The following COL4A1 variants were observed in gnomAD, a reference collection of about 807,000 sequenced individuals.
The protein encoded by COL4A1 is collagen type IV alpha 1 chain, also known as collagen alpha-1(IV) chain.
COL4A1 carries 40 observed loss-of-function variants against 216.6 expected under a neutral mutation model. The observed-to-expected ratio is 0.18, with a 90% CI of 0.14 to 0.24. The LOEUF (loss-of-function observed/expected upper bound fraction) is 0.24, where lower values mean the gene tolerates loss of function less well. Ranked by LOEUF, COL4A1 falls within the 10% of genes least tolerant of loss-of-function variation. COL4A1 has a pLI of 1.00. For missense variants in COL4A1, 1,628 were observed against 2,196.8 expected, an observed-to-expected ratio of 0.74 and a Z score of 5.18; for synonymous variants, 839 against 810.7, an observed-to-expected ratio of 1.03 and a Z score of -0.59.
chr13:110,214,073 T>G, intron 2 of COL4A1, 58 bp from the exon 3 acceptor site: 1 of 1,406,928 alleles, frequency 7.1e-7, no homozygotes, highest in Non-Finnish European at 1.0e-6. Context: ...GAGGAAGGAA[T>G]TGGTGACCAA....
intron 1 of COL4A1, among the ~76,000 whole-genome samples, chr13:110,255,487 G>C: frequency 7.1e-6 from 1 of 141,804 alleles, no homozygotes; most frequent in Non-Finnish European, 1.5e-5. Flanking sequence ...GGGGAAGACA[G>C]GAGGTTTCCC....
chr13:110,213,538 C>T (rs911482135), intron 4 of COL4A1, among the ~76,000 whole-genome samples: 1 of 152,130 alleles, frequency 6.6e-6, no homozygotes, highest in Non-Finnish European at 1.5e-5. Context: ...TGGGGGAAAG[C>T]AAGTTTGCAG....
At chr13:110,265,608 G>A (rs1213643215) in intron 1 of COL4A1, 1 of 152,238 alleles carries the variant, frequency 6.6e-6, no homozygotes, top group Non-Finnish European at 1.5e-5. Context: ...ACAGGTGGCT[G>A]CAACCCCAAA....
intron 2 of COL4A1, among the ~76,000 whole-genome samples, chr13:110,240,583 G>T (rs765938597): frequency 1.3e-5 from 2 of 152,262 alleles, no homozygotes; most frequent in Admixed American, 6.5e-5. Flanking sequence ...GGCCAGAGGG[G>T]GCCACCCCCA....
intron 28 of COL4A1, among the ~76,000 whole-genome samples, chr13:110,182,205 T>C (rs1018494917): frequency 1.3e-5 from 2 of 151,928 alleles, no homozygotes; most frequent in African/African-American, 4.8e-5. Flanking sequence ...GAAGCAGCCG[T>C]GGTGTGGGTG....
At chr13:110,202,785 G>A (rs1293574624) in intron 18 of COL4A1, among the ~76,000 whole-genome samples, 2 of 152,186 alleles carry the variant, frequency 1.3e-5, no homozygotes, top group African/African-American at 4.8e-5. Context: ...TCACTGACAA[G>A]TATGCAAAAT....
At chr13:110,277,676 A>G (rs1257441374) in intron 1 of COL4A1, among the ~76,000 whole-genome samples, 1 of 152,154 alleles carries the variant, frequency 6.6e-6, no homozygotes, top group East Asian at 1.9e-4. Context: ...CTGTAAACAT[A>G]AATAAAATGG....
intron 1 of COL4A1, among the ~76,000 whole-genome samples, chr13:110,275,540 C>T (rs1035460694): frequency 6.6e-6 from 1 of 152,184 alleles, no homozygotes; most frequent in African/African-American, 2.4e-5. Context: ...AGCAATCATG[C>T]TCCTTGCTAT....
At chr13:110,185,168 C>T (rs2131938) in intron 26 of COL4A1, among the ~76,000 whole-genome samples, 53,971 of 151,850 alleles carry the variant, frequency 0.36, 9,617 homozygotes, top group East Asian at 0.45. Context: ...ATTTTTGAGA[C>T]GGAGTCTCAC....
intron 49 of COL4A1, among the ~76,000 whole-genome samples, chr13:110,159,245 C>T (rs909679207): frequency 2.8e-5 from 3 of 108,146 alleles, no homozygotes; most frequent in African/African-American, 1.1e-4. Context: ...TACAATATCA[C>T]CCAAGGGAGC....
intron 21 of COL4A1, 70 bp downstream of exon 21, chr13:110,198,397 C>T: frequency 6.3e-7 from 1 of 1,585,934 alleles, no homozygotes. Flanking sequence ...TCACAGCCCC[C>T]AACCTGGGTC....
At chr13:110,205,301 TG>T in intron 17 of COL4A1, 51 bp downstream of exon 17, 1 of 1,605,460 alleles carries the variant, frequency 6.2e-7, no homozygotes, top group South Asian at 1.1e-5. Flanking sequence ...AACAGACTTC[TG>T]GGTTGAATTG....
At chr13:110,228,376 G>T in intron 2 of COL4A1, among the ~76,000 whole-genome samples, 1 of 152,138 alleles carries the variant, frequency 6.6e-6, no homozygotes, top group East Asian at 1.9e-4. Flanking sequence ...TCCGTGCAAG[G>T]CAAGTTTTTA....
rs1415728676 is a variant in COL4A1, at chr13:110,201,399, G to A, written c.1084+39C>T. 2.9e-6 allele frequency: 4 copies of A among 1,396,698 alleles called. No individual in the cohort carries two copies. The Admixed American group carries it at 5.5e-5, about 19-fold the overall frequency. 86.5% of individuals were successfully genotyped at this position (1,396,698 alleles called of 1,614,324 possible). A position where few individuals can be genotyped will look rare whatever the true frequency, so the allele number is the denominator to read the frequency against. On this transcript the variant is annotated intron_variant, in intron 19 of 51. Coordinates refer to ENST00000375820, the MANE Select transcript of COL4A1 (RefSeq NM_001845.6). ...AGGAAGAGGAGGAGGAGAGAAGGAG[G>A]GGGAGTAGGAGGAGGGGGGAAAAAG... is the stretch of plus-strand genomic sequence containing the variant.
chr13:110,237,382 C>T (rs1170014327), intron 2 of COL4A1, among the ~76,000 whole-genome samples: 2 of 152,088 alleles, frequency 1.3e-5, no homozygotes, highest in East Asian at 3.9e-4. Context: ...TGAGTCTGCA[C>T]CCCCCACCCC....
chr13:110,176,080 G>C (rs1877871410), intron 36 of COL4A1, among the ~76,000 whole-genome samples: 2 of 152,246 alleles, frequency 1.3e-5, no homozygotes, highest in Admixed American at 1.3e-4. Flanking sequence ...GGGCTCTGGA[G>C]CCATAAGCTA....
At position 110,160,256 on chromosome 13, in the gene COL4A1, C is replaced by A. The variant is rs532781345; in HGVS notation, c.4640+936G>T. ...AGGAGATCGAGACCATCCTGGCTAACAAGGTGAAACCCCGTCTCTACTAAA... is the reference window on the plus strand; with the variant it reads ...AGGAGATCGAGACCATCCTGGCTAAAAAGGTGAAACCCCGTCTCTACTAAA... On this transcript the variant is annotated intron_variant, in intron 49 of 51. Transcript: ENST00000375820. Among the ~76,000 whole-genome samples, 5 of 144,810 alleles carry A rather than the reference C, an allele frequency of 3.5e-5. No individual in the cohort carries two copies. The South Asian group carries it at 1.1e-3, about 32-fold the overall frequency.
chr13:110,237,885 G>A (rs796647911), intron 2 of COL4A1, among the ~76,000 whole-genome samples: 8 of 152,338 alleles, frequency 5.3e-5, no homozygotes, highest in African/African-American at 1.4e-4. Flanking sequence ...AGGGTATCCT[G>A]TACAAGCTCA....
At chr13:110,199,747 T>G (rs1038376523) in intron 20 of COL4A1, among the ~76,000 whole-genome samples, 1 of 152,158 alleles carries the variant, frequency 6.6e-6, no homozygotes, top group African/African-American at 2.4e-5. Flanking sequence ...CCAGAGCAAC[T>G]TCAATGGCTT....
Sources: allele counts gnomAD v4.1 joint callset (sites outside exome capture counted in the v4.1 genomes callset), GRCh38; gene constraint gnomAD v4.1.1; transcripts MANE v1.5; gene names NCBI Gene and HGNC (gene_info 2026-07-23, HGNC 2026-07-21).